Variants in ZMYM5 observed in about 807,000 individuals in gnomAD.
The protein encoded by ZMYM5 is zinc finger MYM-type containing 5.
In ZMYM5, 41 loss-of-function variants were observed where a neutral mutation model predicts 61.8. The observed-to-expected ratio is 0.66, with a 90% CI of 0.52 to 0.86. The LOEUF is 0.86. Ranked by LOEUF, ZMYM5 falls within the 40% of genes least tolerant of loss-of-function variation. The probability of loss-of-function intolerance (pLI) is 0.00; values close to 1 mark genes in which losing one functional copy is unlikely to be tolerated. For missense variants in ZMYM5, 706 were observed against 786.7 expected, an observed-to-expected ratio of 0.90 and a Z score of 1.23; for synonymous variants, 257 against 276.4, an observed-to-expected ratio of 0.93 and a Z score of 0.70.
chr13:19,860,470 G>GTGTGTGTGTGTGTGTGTA (rs71070254), intron 2 of ZMYM5, among the ~76,000 whole-genome samples: 1 of 136,388 alleles, frequency 7.3e-6, no homozygotes, highest in Non-Finnish European at 1.6e-5. Flanking sequence ...GTGTGTGTGT[G>GTGTGTGTGTGTGTGTGTA]TATTTTTTTT....
intron 4 of ZMYM5, among the ~76,000 whole-genome samples, chr13:19,846,992 G>C (rs1953095660): frequency 6.6e-6 from 1 of 152,064 alleles, no homozygotes; most frequent in African/African-American, 2.4e-5. Context: ...CTGCTGCCCA[G>C]GCTGGAGTGC....
chr13:19,837,211 G>A (rs1952702139), intron 6 of ZMYM5, among the ~76,000 whole-genome samples: 1 of 151,880 alleles, frequency 6.6e-6, no homozygotes, highest in East Asian at 1.9e-4. Flanking sequence ...TAGAGATTGG[G>A]TTTCACCCTG....
chr13:19,863,562 CT>C lies in ZMYM5; in HGVS notation c.-192del, dbSNP rs1237876265. The C allele has an allele frequency of 3.3e-5, 5 of 152,828 alleles. No individual in the cohort carries two copies. The highest frequency in any genetic ancestry group is 3.3e-4 in the Admixed American group (5 of 15,288). The allele number at this position is 152,828 out of a possible 1,614,324, so 9.5% of individuals were successfully genotyped here. A position where few individuals can be genotyped will look rare whatever the true frequency, so the allele number is the denominator to read the frequency against. On this transcript the variant is annotated 5_prime_UTR_variant, in exon 1 of 8. Coordinates refer to ENST00000337963, the MANE Select transcript of ZMYM5 (RefSeq NM_001142684.2). ...AAGCGTCACCCGGTTCTGGCTGCGG[CT>C]GCGCGGAACGAACAAGCCCACCCCG...
chr13:19,859,148 C>G (rs1953628047), intron 2 of ZMYM5, among the ~76,000 whole-genome samples: 1 of 151,926 alleles, frequency 6.6e-6, no homozygotes, highest in Non-Finnish European at 1.5e-5. Context: ...AAAAAATGTC[C>G]CCTCTCCTAC....
Position 19,824,613 on chromosome 13 carries a change from C to T in ZMYM5, c.1874G>A (p.Ser625Asn), listed in dbSNP as rs1412941853. 7.6e-7 allele frequency: 1 copy of T among 1,313,324 alleles called. No homozygotes were observed. The allele number at this position is 1,313,324 out of a possible 1,614,324, so 81.4% of individuals were successfully genotyped here. A position where few individuals can be genotyped will look rare whatever the true frequency, so the allele number is the denominator to read the frequency against. Residue 625 changes from serine to asparagine, a missense_variant, in exon 8 of 8, where the codon AGT becomes AAT. Around this residue, in one of 2 missense-constraint regions of ZMYM5, gnomAD observed 226 missense variants for 325.0 expected, o/e 0.70. Coordinates refer to ENST00000337963, the MANE Select transcript of ZMYM5 (RefSeq NM_001142684.2). The stretch of plus-strand genomic sequence containing the variant: ...AACACTATTGTTGACGTGCATTTCA[C>T]TTTCTTCATGTTTACTAAGAATATG... ...LSHILSKHEE[S>N]EMHVNNSVKY...
chr13:19,856,845 G>A (rs1407812170), intron 2 of ZMYM5, among the ~76,000 whole-genome samples: 14 of 152,084 alleles, frequency 9.2e-5, no homozygotes, highest in African/African-American at 2.4e-4. Context: ...AGTGGCTCAC[G>A]CCTGTAATCC....
At chr13:19,826,401 CAG>C (rs753362037) in intron 7 of ZMYM5, among the ~76,000 whole-genome samples, 5 of 151,696 alleles carry the variant, frequency 3.3e-5, no homozygotes, top group Admixed American at 6.6e-5. Flanking sequence ...AAAATTTAAA[CAG>C]AGTTACCCTA....
chr13:19,846,375 G>T (rs1420803877), intron 4 of ZMYM5, among the ~76,000 whole-genome samples: 1 of 152,044 alleles, frequency 6.6e-6, no homozygotes, highest in Non-Finnish European at 1.5e-5. Flanking sequence ...TGAAAAAAAT[G>T]ACAAACTATG....
chr13:19,862,486 C>T lies in ZMYM5; in HGVS notation c.-78-20G>A, dbSNP rs182404449. 1.3e-5 allele frequency: 2 copies of T among 152,252 alleles called. No individual in the cohort carries two copies. Among genetic ancestry groups the T allele is most frequent in the Admixed American group, 1.3e-4 (2 of 15,286 alleles). 9.4% of individuals were successfully genotyped at this position (152,252 alleles called of 1,614,324 possible). A position where few individuals can be genotyped will look rare whatever the true frequency, so the allele number is the denominator to read the frequency against. Reference sequence around the variant, plus strand: ...CTGGTCCTAGAATGAGAATTGAAAACCAATTTCGGTACAACCAATCTGGAT... The same window carrying T: ...CTGGTCCTAGAATGAGAATTGAAAATCAATTTCGGTACAACCAATCTGGAT... On this transcript the variant is annotated intron_variant, in intron 1 of 7. Transcript: ENST00000337963.
chr13:19,824,952 G>C lies in ZMYM5; in HGVS notation c.1535C>G (p.Ser512Cys). 7.3e-7 allele frequency: 1 copy of C among 1,365,260 alleles called. No homozygotes were observed. Among genetic ancestry groups the C allele is most frequent in the South Asian group, 1.1e-5 (1 of 87,616 alleles). The allele number at this position is 1,365,260 out of a possible 1,614,324, so 84.6% of individuals were successfully genotyped here. A position where few individuals can be genotyped will look rare whatever the true frequency, so the allele number is the denominator to read the frequency against. ...EQLEEKNFED[S>C]IVPVVLSADP... is the part of the protein sequence containing the mutation. The stretch of plus-strand genomic sequence containing the variant: ...TGCGGAAAGCACAACTGGTACAATG[G>C]AGTCTTCAAAATTTTTCTCTTCCAG... The change falls in exon 8 of 8, where the codon TCC becomes TGC. Residue 512 changes from serine to cysteine, a missense_variant. Physicochemically the swap from Ser to Cys is moderately radical, Grantham distance 112 (BLOSUM62 -1). This residue lies in a region of ZMYM5 where 226 missense variants were observed against 325.0 expected (regional missense o/e 0.70). Transcript: ENST00000337963.
At chr13:19,859,643 A>G (rs1414898826) in intron 2 of ZMYM5, among the ~76,000 whole-genome samples, 18 of 151,492 alleles carry the variant, frequency 1.2e-4, no homozygotes, top group Admixed American at 1.1e-3. Flanking sequence ...TCCTGACCTC[A>G]TGATCTGCCC....
At chr13:19,842,161 A>G (rs1438408079) in intron 4 of ZMYM5, among the ~76,000 whole-genome samples, 1 of 152,182 alleles carries the variant, frequency 6.6e-6, no homozygotes, top group Non-Finnish European at 1.5e-5. Flanking sequence ...GTACTTTATG[A>G]AGAGCCAGTT....
At chr13:19,836,026 G>A (rs184127950) in intron 6 of ZMYM5, among the ~76,000 whole-genome samples, 2 of 152,202 alleles carry the variant, frequency 1.3e-5, no homozygotes, top group African/African-American at 2.4e-5. Context: ...GTTTCACCAC[G>A]TTGGCCAGGC....
intron 4 of ZMYM5, among the ~76,000 whole-genome samples, chr13:19,846,877 T>C (rs1421104553): frequency 6.6e-6 from 1 of 152,022 alleles, no homozygotes. Flanking sequence ...CAGTGAGCTA[T>C]GATCATGGCA....
intron 7 of ZMYM5, among the ~76,000 whole-genome samples, chr13:19,834,455 AT>A (rs529910957): frequency 0.085 from 12,440 of 145,626 alleles, 540 homozygotes; most frequent in Middle Eastern, 0.13. Flanking sequence ...CCACATTTTA[AT>A]TTTTTTTTTT....
chr13:19,843,051 A>T (rs1952936980), intron 4 of ZMYM5, among the ~76,000 whole-genome samples: 1 of 151,508 alleles, frequency 6.6e-6, no homozygotes, highest in Non-Finnish European at 1.5e-5. Context: ...TCTGGGATCA[A>T]GCAATCCTCC....
chr13:19,855,625 A>T (rs1953474363), intron 2 of ZMYM5, among the ~76,000 whole-genome samples: 1 of 152,124 alleles, frequency 6.6e-6, no homozygotes, highest in South Asian at 2.1e-4. Flanking sequence ...AATACACAGC[A>T]TACTCTTTAT....
At position 19,837,715 on chromosome 13, in the gene ZMYM5, T is replaced by C. The variant is rs1055132896; in HGVS notation, c.979A>G (p.Asn327Asp). The C allele has an allele frequency of 1.3e-6, 2 of 1,579,986 alleles. No homozygotes were observed. The highest frequency in any genetic ancestry group is 2.8e-5 in the African/African-American group (2 of 72,474). The change falls in exon 6 of 8, where the codon AAT becomes GAT. Residue 327 changes from asparagine to aspartate, a missense_variant. Physicochemically the swap from Asn to Asp is conservative, Grantham distance 23. Coordinates refer to ENST00000337963, the MANE Select transcript of ZMYM5 (RefSeq NM_001142684.2). ...SCLSPCENNWNLKKGVFNKSR... is the reference protein window; with the variant it reads ...SCLSPCENNWDLKKGVFNKSR... ...TTATTAAAAACTCCTTTTTTAAGAT[T>C]CCAGTTGTTTTCACAGGGAGACAAA...
At chr13:19,844,005 G>T (rs1369799778) in intron 4 of ZMYM5, among the ~76,000 whole-genome samples, 1 of 151,824 alleles carries the variant, frequency 6.6e-6, no homozygotes, top group Non-Finnish European at 1.5e-5. Flanking sequence ...GGACGTGGTG[G>T]CAGGCGCCTG....
Sources: allele counts gnomAD v4.1 joint callset (sites outside exome capture counted in the v4.1 genomes callset), GRCh38; gene constraint gnomAD v4.1.1; regional missense constraint gnomAD v4.1.1; transcripts MANE v1.5; gene names NCBI Gene and HGNC (gene_info 2026-07-23, HGNC 2026-07-21).